Variants in ACACA observed in about 807,000 individuals in gnomAD.
ACACA encodes the protein acetyl-CoA carboxylase 1.
Under a neutral mutation model 296.1 loss-of-function variants are expected in ACACA, and 103 were observed. That is an observed-to-expected ratio of 0.35 (90% confidence interval 0.30 to 0.41). The LOEUF is 0.41. Among genes scored for constraint, ACACA ranks in the 10% least tolerant of loss-of-function variants. ACACA has a pLI of 1.00. For synonymous variants in ACACA, 953 were observed against 1,038.6 expected, an observed-to-expected ratio of 0.92 and a Z score of 1.58; for missense variants, 1,554 against 2,989.7, an observed-to-expected ratio of 0.52 and a Z score of 11.20.
intron 1 of ACACA, among the ~76,000 whole-genome samples, chr17:37,356,296 G>A (rs1416628378): frequency 1.3e-5 from 2 of 152,178 alleles, no homozygotes; most frequent in Non-Finnish European, 2.9e-5. Context: ...TAGCCAATGA[G>A]TTTCTACTGT....
chr17:37,381,650 CAG>C (rs1350213667), intron 1 of ACACA, among the ~76,000 whole-genome samples: 3 of 117,486 alleles, frequency 2.6e-5, no homozygotes, highest in South Asian at 2.9e-4. Context: ...TTTTTTGAGA[CAG>C]AGTCTCGCTC....
intron 3 of ACACA, among the ~76,000 whole-genome samples, chr17:37,308,833 A>G (rs1256077358): frequency 6.6e-6 from 1 of 152,138 alleles, no homozygotes; most frequent in African/African-American, 2.4e-5. Flanking sequence ...GCTACTCGGG[A>G]GACTGAGGCA....
At position 37,177,269 on chromosome 17, in the gene ACACA, C is replaced by CGTGTGTGTGTGTGT. The variant is rs112439511; in HGVS notation, c.5079+1977_5079+1990dup. 7.6e-3 allele frequency among the ~76,000 whole-genome samples: 1,112 copies of CGTGTGTGTGTGTGT among 146,510 alleles called. 11 individuals are homozygous for CGTGTGTGTGTGTGT. Among genetic ancestry groups the CGTGTGTGTGTGTGT allele is most frequent in the African/African-American group, 0.025 (978 of 39,916 alleles). ...AAAAACCTTTAATTTTTAAAAAATT[C>CGTGTGTGTGTGTGT]GTGTGTGTGTGTGTGTGTGTGTGTG... On this transcript the variant is annotated intron_variant, in intron 41 of 55. Coordinates refer to ENST00000616317, the MANE Select transcript of ACACA (RefSeq NM_198834.3).
Position 37,390,324 on chromosome 17 carries a change from A to ATC in ACACA, c.38+15937_38+15938insGA, listed in dbSNP as rs1268420298. Among the ~76,000 whole-genome samples the ATC allele has an allele frequency of 9.2e-3, 614 of 66,832 alleles. 125 individuals carry two copies. The highest frequency in any genetic ancestry group is 0.043 in the African/African-American group (577 of 13,380). The allele number at this position is 66,832 out of a possible 152,430, so 43.8% of individuals were successfully genotyped here. On this transcript the variant is annotated intron_variant, in intron 1 of 55. Coordinates refer to ENST00000616317, the MANE Select transcript of ACACA (RefSeq NM_198834.3). ...CATAATTATATATATATATATATATATATATATATAAAAGGCCAGCTGGGC... is the reference window on the plus strand; with the variant it reads ...CATAATTATATATATATATATATATATCTATATATATAAAAGGCCAGCTGGGC...
chr17:37,336,643 G>A (rs1001263419), intron 2 of ACACA, among the ~76,000 whole-genome samples: 1 of 152,126 alleles, frequency 6.6e-6, no homozygotes, highest in Non-Finnish European at 1.5e-5. Context: ...CCCTTTGTAT[G>A]GGAGCTCTGT....
chr17:37,366,166 T>C (rs1478719714), intron 1 of ACACA, among the ~76,000 whole-genome samples: 2 of 152,132 alleles, frequency 1.3e-5, no homozygotes, highest in East Asian at 1.9e-4. Context: ...TCCTGGTAAG[T>C]TGATTTCCTG....
At chr17:37,350,270 G>A (rs1033637990) in intron 1 of ACACA, among the ~76,000 whole-genome samples, 11 of 151,628 alleles carry the variant, frequency 7.3e-5, no homozygotes, top group Admixed American at 2.0e-4. Context: ...GGTCGAGGCT[G>A]CAGTGAGCCA....
rs974727406 is a variant in ACACA at position 37,334,929 on chromosome 17, C to G, written c.86-4504G>C. On this transcript the variant is annotated intron_variant, in intron 2 of 55. Transcript: ENST00000616317. ...AACTCTGCCACTCTTTGCATGCATGCAAATACTCATTATTGGACAGGAAAA... is the reference window on the plus strand; with the variant it reads ...AACTCTGCCACTCTTTGCATGCATGGAAATACTCATTATTGGACAGGAAAA... Among the ~76,000 whole-genome samples the G allele has an allele frequency of 2.0e-5, 3 of 152,122 alleles. No homozygotes were observed. In the South Asian group the frequency reaches 6.2e-4, roughly 31 times the overall value.
At chr17:37,272,237 G>A (rs1483580298) in intron 9 of ACACA, among the ~76,000 whole-genome samples, 2 of 151,952 alleles carry the variant, frequency 1.3e-5, no homozygotes, top group African/African-American at 2.4e-5. Context: ...ACAGCCACTT[G>A]GAGGCTGAGG....
intron 3 of ACACA, among the ~76,000 whole-genome samples, chr17:37,318,163 T>G (rs2047182396): frequency 6.6e-6 from 1 of 152,194 alleles, no homozygotes; most frequent in Non-Finnish European, 1.5e-5. Context: ...GCCAATTTCC[T>G]TATTTCCCAT....
intron 2 of ACACA, among the ~76,000 whole-genome samples, chr17:37,330,640 C>T (rs771659284): frequency 6.6e-6 from 1 of 152,150 alleles, no homozygotes; most frequent in Non-Finnish European, 1.5e-5. Context: ...AAAACCAGTT[C>T]CCTTTTCCTC....
At chr17:37,229,854 G>A (rs1052857250) in intron 25 of ACACA, among the ~76,000 whole-genome samples, 4 of 151,448 alleles carry the variant, frequency 2.6e-5, no homozygotes, top group Admixed American at 1.3e-4. Flanking sequence ...CGGATTACCT[G>A]AGGTCAGTTC....
intron 50 of ACACA, among the ~76,000 whole-genome samples, chr17:37,120,786 G>A (rs935307178): frequency 6.6e-6 from 1 of 152,234 alleles, no homozygotes; most frequent in Non-Finnish European, 1.5e-5. Flanking sequence ...CGTAAATGGT[G>A]ATACTGGCTG....
intron 25 of ACACA, among the ~76,000 whole-genome samples, chr17:37,227,266 A>T (rs1391271666): frequency 6.6e-6 from 1 of 152,210 alleles, no homozygotes; most frequent in Non-Finnish European, 1.5e-5. Context: ...TTATCCATGC[A>T]ATTTCCATCT....
intron 5 of ACACA, among the ~76,000 whole-genome samples, chr17:37,282,735 C>T (rs1005082741): frequency 6.6e-6 from 1 of 152,168 alleles, no homozygotes; most frequent in Non-Finnish European, 1.5e-5. Context: ...CTAGTCATAT[C>T]TTTCAGCTAT....
rs764599804 is a variant in ACACA at position 37,188,389 on chromosome 17, C to T, written c.4664G>A (p.Arg1555His). The T allele has an allele frequency of 1.9e-6, 3 of 1,614,056 alleles. No homozygotes were observed. Among genetic ancestry groups the T allele is most frequent in the Admixed American group, 1.7e-5 (1 of 60,006 alleles). The change falls in exon 39 of 56, where the codon CGC (arginine) becomes CAC (histidine). Residue 1555 changes from arginine (R) to histidine (H), a missense_variant. This residue lies in a region of ACACA where 553 missense variants were observed against 1,043.6 expected (regional missense o/e 0.53). Transcript: ENST00000616317. ...AATTGCTTTTCCAGTTGGCGTCAGGCGAATGTTGATTTTCAGTTCTGCCTG... is the reference window on the plus strand; with the variant it reads ...AATTGCTTTTCCAGTTGGCGTCAGGTGAATGTTGATTTTCAGTTCTGCCTG... Reference protein sequence around the residue: ...VLQAELKINIRLTPTGKAIPI... With the variant: ...VLQAELKINIHLTPTGKAIPI...
intron 47 of ACACA, 119 bp from the exon 48 acceptor site, chr17:37,125,913 C>G (rs1176810124): frequency 4.7e-6 from 4 of 853,618 alleles, no homozygotes; most frequent in Middle Eastern, 2.5e-4. Context: ...TTGTTTTTAA[C>G]CAAATTATAA....
chr17:37,087,779 T>G (rs1433587340), intron 55 of ACACA, among the ~76,000 whole-genome samples: 2 of 152,218 alleles, frequency 1.3e-5, no homozygotes, highest in Non-Finnish European at 2.9e-5. Flanking sequence ...TTCATGAGTC[T>G]GTACCAATAA....
chr17:37,396,788 C>G (rs1052683280), intron 1 of ACACA, among the ~76,000 whole-genome samples: 5 of 152,174 alleles, frequency 3.3e-5, no homozygotes, highest in African/African-American at 1.2e-4. Context: ...CCCCATCCCA[C>G]TGATACTCCA....
Sources: allele counts gnomAD v4.1 joint callset (sites outside exome capture counted in the v4.1 genomes callset), GRCh38; gene constraint gnomAD v4.1.1; regional missense constraint gnomAD v4.1.1; transcripts MANE v1.5; gene names NCBI Gene and HGNC (gene_info 2026-07-23, HGNC 2026-07-21).